FCHO2: variants seen among roughly 807,000 people sequenced by gnomAD.
FCHO2 encodes FCH and mu domain containing endocytic adaptor 2.
Under a neutral mutation model 114.1 loss-of-function variants are expected in FCHO2, and 43 were observed. That is an observed-to-expected ratio of 0.38 (90% CI 0.30 to 0.49). FCHO2 has a LOEUF of 0.49. Among genes scored for constraint, FCHO2 ranks in the 20% least tolerant of loss-of-function variants. The pLI is 0.97. For missense variants in FCHO2, 807 were observed against 950.4 expected (o/e 0.85, Z 1.98); for synonymous variants, 293 against 315.2 (o/e 0.93, Z 0.75).
chr5:72,987,423 C>T (rs941664878), intron 2 of FCHO2, among the ~76,000 whole-genome samples: 2 of 151,998 alleles, frequency 1.3e-5, no homozygotes, highest in African/African-American at 2.4e-5. Flanking sequence ...CTGCAGCCTC[C>T]GCCTCCCGGA....
intron 11 of FCHO2, among the ~76,000 whole-genome samples, chr5:73,045,988 A>T (rs1757033675): frequency 6.6e-6 from 1 of 152,162 alleles, no homozygotes; most frequent in Non-Finnish European, 1.5e-5. Flanking sequence ...TTTTCAGTGA[A>T]TCACTTCGTA....
At chr5:73,087,253 C>A (rs934644684) in intron 24 of FCHO2, among the ~76,000 whole-genome samples, 13 of 152,150 alleles carry the variant, frequency 8.5e-5, no homozygotes, top group African/African-American at 2.9e-4. Context: ...TAACTTTATG[C>A]CACCTATATC....
intron 17 of FCHO2, 112 bp downstream of exon 17, chr5:73,058,636 T>G: frequency 2.2e-6 from 1 of 446,816 alleles, no homozygotes; most frequent in Non-Finnish European, 3.8e-6. Flanking sequence ...TAAAAATTTG[T>G]CCTCTGTATT....
rs1414489449 is a variant in FCHO2 at position 73,056,065 on chromosome 5, A to G, written c.1211A>G (p.Asn404Ser). The stretch of plus-strand genomic sequence containing the variant: ...TTTCATATTTTAATTTTTTAATTAG[A>G]TGAGGAGTTAACAAAATCAAAGCCA... Reference protein sequence around the residue: ...SPVQMNRNLSNEELTKSKPSA... With the variant: ...SPVQMNRNLSSEELTKSKPSA... Residue 404 changes from asparagine to serine, a missense_variant and splice_region_variant, in exon 16 of 26, where the codon AAT becomes AGT. Asn to Ser is a conservative substitution (Grantham distance 46). Coordinates refer to ENST00000430046, the MANE Select transcript of FCHO2 (RefSeq NM_138782.3). 2 of 1,506,990 alleles carry G rather than the reference A, an allele frequency of 1.3e-6. No individual in the cohort carries two copies. The highest frequency in any genetic ancestry group is 1.8e-6 in the Non-Finnish European group (2 of 1,124,216). 93.4% of individuals were successfully genotyped at this position (1,506,990 alleles called of 1,614,324 possible).
intron 5 of FCHO2, chr5:72,997,545 C>A: frequency 7.7e-7 from 1 of 1,304,906 alleles, no homozygotes; most frequent in Non-Finnish European, 1.1e-6. Context: ...CCCAGTGACA[C>A]AACCCTTCTC....
chr5:73,054,533 G>T lies in FCHO2; in HGVS notation c.1194G>T (p.Met398Ile), dbSNP rs1338065054. 9.1e-6 allele frequency: 14 copies of T among 1,540,686 alleles called. No homozygotes were observed. Among genetic ancestry groups the T allele is most frequent in the Non-Finnish European group, 1.2e-5 (14 of 1,141,982 alleles). Residue 398 changes from methionine (M) to isoleucine (I), a missense_variant, in exon 15 of 26, where the codon ATG becomes ATT. Physicochemically the swap from Met to Ile is conservative, Grantham distance 10. Transcript: ENST00000430046. ...PAISRHSPVQMNRNLSNEELT... is the reference protein window; with the variant it reads ...PAISRHSPVQINRNLSNEELT... ...TTGCATCTCTGTTTTAGGTACAGAT[G>T]AATCGGAATTTGTCTAGTAAGTTTG...
At chr5:72,961,265 C>T (rs1751845566) in intron 1 of FCHO2, among the ~76,000 whole-genome samples, 1 of 152,076 alleles carries the variant, frequency 6.6e-6, no homozygotes. Context: ...GAGAGACTAA[C>T]ACACATTCTT....
At chr5:72,985,893 T>C (rs1255026267) in intron 2 of FCHO2, among the ~76,000 whole-genome samples, 1 of 152,204 alleles carries the variant, frequency 6.6e-6, no homozygotes, top group African/African-American at 2.4e-5. Context: ...CTTGGATCTG[T>C]GGTTAATATC....
At position 73,055,040 on chromosome 5, in the gene FCHO2, A is replaced by G. The variant is rs116654201; in HGVS notation, c.1210+491A>G. 498 of 349,964 alleles carry G rather than the reference A, an allele frequency of 1.4e-3. 2 individuals carry two copies. The highest frequency in any genetic ancestry group is 9.7e-3 in the African/African-American group (461 of 47,624). 21.7% of individuals were successfully genotyped at this position (349,964 alleles called of 1,614,324 possible). A position where few individuals can be genotyped will look rare whatever the true frequency, so the allele number is the denominator to read the frequency against. ...GTGGGAAAAACAGTTGAAGCAGCCCACTCAAAAGCTATGTAATTTTGTTAA... is the reference window on the plus strand; with the variant it reads ...GTGGGAAAAACAGTTGAAGCAGCCCGCTCAAAAGCTATGTAATTTTGTTAA... On this transcript the variant is annotated intron_variant, in intron 15 of 25. Coordinates refer to ENST00000430046, the MANE Select transcript of FCHO2 (RefSeq NM_138782.3).
At chr5:73,061,125 A>G (rs747279494) in intron 17 of FCHO2, among the ~76,000 whole-genome samples, 2 of 152,004 alleles carry the variant, frequency 1.3e-5, no homozygotes, top group Non-Finnish European at 2.9e-5. Context: ...ATCACTGGAC[A>G]ATGATGAACT....
chr5:73,051,889 A>G (rs532211921), intron 12 of FCHO2, among the ~76,000 whole-genome samples: 2 of 151,958 alleles, frequency 1.3e-5, no homozygotes, highest in South Asian at 4.2e-4. Context: ...TTTTATTAAT[A>G]AAAGTTAGTA....
intron 1 of FCHO2, 31 bp from the exon 2 acceptor site, chr5:72,968,467 T>C (rs1263008704): frequency 1.4e-6 from 2 of 1,422,872 alleles, no homozygotes; most frequent in Non-Finnish European, 1.9e-6. Flanking sequence ...ATCTGTTTTT[T>C]TATGAAACTA....
chr5:72,963,721 A>T lies in FCHO2; in HGVS notation c.34-4777A>T, dbSNP rs966204332. On this transcript the variant is annotated intron_variant, in intron 1 of 25. Coordinates refer to ENST00000430046, the MANE Select transcript of FCHO2 (RefSeq NM_138782.3). ...ATGCCACCACACCCAGCTAATTTTTAAAAAAAATTTGTAGGGACGAGGTCT... is the reference window on the plus strand; with the variant it reads ...ATGCCACCACACCCAGCTAATTTTTTAAAAAAATTTGTAGGGACGAGGTCT... Among the ~76,000 whole-genome samples, 79 of 151,620 alleles carry T rather than the reference A, an allele frequency of 5.2e-4. 1 individual carries two copies. Among genetic ancestry groups the T allele is most frequent in the Middle Eastern group, 3.4e-3 (1 of 292 alleles).
At chr5:72,964,279 T>G (rs923618148) in intron 1 of FCHO2, among the ~76,000 whole-genome samples, 1 of 152,154 alleles carries the variant, frequency 6.6e-6, no homozygotes, top group African/African-American at 2.4e-5. Context: ...AAAAACAATT[T>G]TTTGAAAGGT....
chr5:73,059,736 T>C (rs1757763989), intron 17 of FCHO2, among the ~76,000 whole-genome samples: 1 of 152,044 alleles, frequency 6.6e-6, no homozygotes. Flanking sequence ...CAATAGATAG[T>C]TGAACATAAT....
At chr5:73,035,608 T>A (rs1756458297) in intron 9 of FCHO2, among the ~76,000 whole-genome samples, 1 of 152,050 alleles carries the variant, frequency 6.6e-6, no homozygotes, top group South Asian at 2.1e-4. Context: ...ATCCAAGCGA[T>A]CCTTGCACCT....
chr5:72,987,440 C>T (rs1309826297), intron 2 of FCHO2, among the ~76,000 whole-genome samples: 2 of 151,920 alleles, frequency 1.3e-5, no homozygotes, highest in East Asian at 1.9e-4. Context: ...CGGATTCAAG[C>T]GATTCTCCTG....
At chr5:73,026,244 T>C (rs886687879) in intron 8 of FCHO2, among the ~76,000 whole-genome samples, 44 of 152,150 alleles carry the variant, frequency 2.9e-4, no homozygotes, top group Non-Finnish European at 8.8e-5. Flanking sequence ...GTGGATCACC[T>C]GGAACACCTG....
chr5:73,030,278 G>A (rs550661102), intron 8 of FCHO2, among the ~76,000 whole-genome samples: 1 of 152,230 alleles, frequency 6.6e-6, no homozygotes, highest in East Asian at 1.9e-4. Context: ...CTGACCTCAG[G>A]TGATCTGCCT....
Sources: allele counts gnomAD v4.1 joint callset (sites outside exome capture counted in the v4.1 genomes callset), GRCh38; gene constraint gnomAD v4.1.1; transcripts MANE v1.5; gene names NCBI Gene and HGNC (gene_info 2026-07-23, HGNC 2026-07-21).